The following DECR1 variants were observed in gnomAD, a reference collection of about 807,000 sequenced individuals.
The protein encoded by DECR1 is 2,4-dienoyl-CoA reductase [(3E)-enoyl-CoA-producing], mitochondrial.
Under a neutral mutation model 38.8 loss-of-function variants are expected in DECR1, and 44 were observed. That is an observed-to-expected ratio of 1.13 (90% CI 0.89 to 1.46). The LOEUF (loss-of-function observed/expected upper bound fraction) is 1.46. Ranked by LOEUF, DECR1 falls within the 40% of genes most tolerant of loss-of-function variation. The pLI is 0.00. For synonymous variants in DECR1, 148 were observed against 135.2 expected, an observed-to-expected ratio of 1.09 and a Z score of -0.66; for missense variants, 428 against 405.5, an observed-to-expected ratio of 1.06 and a Z score of -0.48.
intron 1 of DECR1, among the ~76,000 whole-genome samples, chr8:90,011,381 T>G (rs1812879628): frequency 6.6e-6 from 1 of 152,228 alleles, no homozygotes; most frequent in South Asian, 2.1e-4. Flanking sequence ...TAGATTGTTT[T>G]GTAGTCTTTC....
At chr8:90,019,512 T>C (rs1049676244) in intron 4 of DECR1, among the ~76,000 whole-genome samples, 36 of 152,208 alleles carry the variant, frequency 2.4e-4, no homozygotes, top group African/African-American at 8.2e-4. Context: ...ATTAATTAGG[T>C]TTATGCAGAA....
At chr8:90,037,636 A>G (rs1813646800) in intron 6 of DECR1, among the ~76,000 whole-genome samples, 1 of 151,914 alleles carries the variant, frequency 6.6e-6, no homozygotes, top group African/African-American at 2.4e-5. Flanking sequence ...TTTTGTAGAG[A>G]TGAGGTCTTG....
At chr8:90,037,461 T>G (rs895489147) in intron 6 of DECR1, among the ~76,000 whole-genome samples, 2 of 151,938 alleles carry the variant, frequency 1.3e-5, no homozygotes, top group Non-Finnish European at 2.9e-5. Context: ...TTTTTTTTTT[T>G]TTTGAGACAG....
Position 90,053,064 on chromosome 8 carries a change from CT to C in DECR1, c.*1168del, listed in dbSNP as rs1814134669. Among the ~76,000 whole-genome samples the C allele has an allele frequency of 6.6e-6, 1 of 152,136 alleles. No homozygotes were observed. Among genetic ancestry groups the C allele is most frequent in the African/African-American group, 2.4e-5 (1 of 41,434 alleles). On this transcript the variant is annotated 3_prime_UTR_variant, in exon 10 of 10. Coordinates refer to ENST00000220764, the MANE Select transcript of DECR1 (RefSeq NM_001359.2). ...AAGTGGCCCAACATTTCCAATTATACTGACTTTCACTGGGCTTTTTTTTAGG... is the reference window on the plus strand; with the variant it reads ...AAGTGGCCCAACATTTCCAATTATACGACTTTCACTGGGCTTTTTTTTAGG...
intron 1 of DECR1, among the ~76,000 whole-genome samples, chr8:90,012,854 G>T (rs760967732): frequency 1.8e-4 from 28 of 152,200 alleles, no homozygotes; most frequent in Non-Finnish European, 2.5e-4. Context: ...TGACAATGTT[G>T]TCTGGTTTTG....
chr8:90,031,533 A>G (rs1365580560), intron 5 of DECR1, among the ~76,000 whole-genome samples: 1 of 152,124 alleles, frequency 6.6e-6, no homozygotes, highest in Non-Finnish European at 1.5e-5. Flanking sequence ...TCCTTAGTAG[A>G]TAATATTATT....
chr8:90,017,198 A>G lies in DECR1; in HGVS notation c.144A>G (p.Gln48=). The change falls in exon 2 of 10, where the codon CAA becomes CAG. Residue 48 remains glutamine, a synonymous_variant. Transcript: ENST00000220764. ...ALQSKFFSPL[Q]KAMLPPNSFQ... ...AATCTAAATTCTTTTCACCTCTTCA[A>G]AAAGCGATGCTACCACCTAATAGTT... 1.2e-6 allele frequency: 2 copies of G among 1,614,190 alleles called. No individual in the cohort carries two copies. The highest frequency in any genetic ancestry group is 1.3e-5 in the African/African-American group (1 of 75,054).
chr8:90,043,632 G>A (rs960756213), intron 7 of DECR1, among the ~76,000 whole-genome samples: 2 of 100,938 alleles, frequency 2.0e-5, no homozygotes, highest in African/African-American at 1.8e-4. Context: ...GTAGCTCTGG[G>A]TATTAAAAAT....
At chr8:90,045,072 C>A in intron 8 of DECR1, 77 bp downstream of exon 8, 1 of 1,281,902 alleles carries the variant, frequency 7.8e-7, no homozygotes, top group South Asian at 1.2e-5. Flanking sequence ...GGAACCAATC[C>A]TGACAATGCT....
chr8:90,017,488 AAGTT>A (rs1486163333), intron 2 of DECR1, among the ~76,000 whole-genome samples, 162 bp downstream of exon 2: 20 of 152,342 alleles, frequency 1.3e-4, no homozygotes, highest in South Asian at 4.1e-4. Context: ...TTTTTGGAAA[AAGTT>A]AGGTACTATT....
chr8:90,017,910 T>C (rs1171313718), intron 2 of DECR1, among the ~76,000 whole-genome samples: 1 of 152,164 alleles, frequency 6.6e-6, no homozygotes, highest in East Asian at 1.9e-4. Context: ...AGGTGGAGTT[T>C]TGTCCAGCTC....
At chr8:90,028,124 G>C (rs1310685890) in intron 5 of DECR1, among the ~76,000 whole-genome samples, 2 of 152,138 alleles carry the variant, frequency 1.3e-5, no homozygotes, top group African/African-American at 4.8e-5. Context: ...TGCTCTGGCA[G>C]CTTTGTCCAA....
intron 5 of DECR1, among the ~76,000 whole-genome samples, chr8:90,035,057 A>G (rs991359414): frequency 6.6e-5 from 10 of 152,188 alleles, no homozygotes; most frequent in Non-Finnish European, 1.2e-4. Context: ...TCTAGCTTAC[A>G]TTATTTTTAG....
chr8:90,006,013 G>A lies in DECR1; in HGVS notation c.69+4452G>A, dbSNP rs2129996525. On this transcript the variant is annotated intron_variant, in intron 1 of 9. Transcript: ENST00000220764. ...CTGCTTTAGTGGGAACTAATAGAGTGCAAACTCACTTGCCACTGCCAGGAT... is the reference window on the plus strand; with the variant it reads ...CTGCTTTAGTGGGAACTAATAGAGTACAAACTCACTTGCCACTGCCAGGAT... 6.7e-6 allele frequency: 4 copies of A among 597,454 alleles called. No individual in the cohort carries two copies. The East Asian group carries it at 1.1e-4, about 17-fold the overall frequency. The allele number at this position is 597,454 out of a possible 1,614,324, so 37.0% of individuals were successfully genotyped here.
chr8:90,012,719 T>C (rs1439123804), intron 1 of DECR1, among the ~76,000 whole-genome samples: 1 of 152,210 alleles, frequency 6.6e-6, no homozygotes, highest in Non-Finnish European at 1.5e-5. Context: ...TAAGGTCGTG[T>C]CCCTGGCTTC....
At chr8:90,013,376 AT>A (rs1273301350) in intron 1 of DECR1, among the ~76,000 whole-genome samples, 1 of 149,970 alleles carries the variant, frequency 6.7e-6, no homozygotes, top group African/African-American at 2.5e-5. Context: ...TGGTTCCAAA[AT>A]AAAAGCCTTG....
In DECR1 at chr8:90,052,070, G is replaced by A; in HGVS notation, c.*173G>A. On this transcript the variant is annotated 3_prime_UTR_variant, in exon 10 of 10. Transcript: ENST00000220764. ...TTGTATATTCAAAGATAAATAAAAT[G>A]AAATATAGTCCTTCAAAACATTAAA... The A allele has an allele frequency of 3.7e-6, 2 of 536,538 alleles. No individual in the cohort carries two copies. The highest frequency in any genetic ancestry group is 6.4e-6 in the Non-Finnish European group (2 of 314,412). 33.2% of individuals were successfully genotyped at this position (536,538 alleles called of 1,614,324 possible).
At chr8:90,029,061 A>G (rs1217094482) in intron 5 of DECR1, among the ~76,000 whole-genome samples, 1 of 151,868 alleles carries the variant, frequency 6.6e-6, no homozygotes, top group Non-Finnish European at 1.5e-5. Flanking sequence ...AGTTGTTGTA[A>G]GTGGTCTAGT....
intron 4 of DECR1, 71 bp from the exon 5 acceptor site, chr8:90,020,838 A>G (rs1406176020): frequency 1.1e-5 from 14 of 1,295,640 alleles, no homozygotes; most frequent in East Asian, 8.0e-5. Context: ...TACATTTCAG[A>G]AAAAAAACCC....
Sources: gnomAD v4.1 joint callset for allele counts (sites outside exome capture counted in the v4.1 genomes callset) on GRCh38, gnomAD v4.1.1 for gene constraint, MANE v1.5 for transcripts, NCBI Gene and HGNC (gene_info 2026-07-23, HGNC 2026-07-21) for gene names.